Variants in PDE1C observed in about 807,000 individuals in gnomAD.
The protein encoded by PDE1C is phosphodiesterase 1C, also known as dual specificity calcium/calmodulin-dependent 3',5'-cyclic nucleotide phosphodiesterase 1C.
In PDE1C, 62 loss-of-function variants were observed where a neutral mutation model predicts 93.1. The observed-to-expected ratio is 0.67, with a 90% confidence interval of 0.54 to 0.82. PDE1C has a LOEUF of 0.82. PDE1C is among the 40% of genes least tolerant of loss of function. The pLI is 0.00. For missense variants in PDE1C, 742 were observed against 884.6 expected (o/e 0.84, Z 2.04); for synonymous variants, 325 against 310.1 (o/e 1.05, Z -0.50).
intron 3 of PDE1C, among the ~76,000 whole-genome samples, chr7:32,146,332 G>A (rs1554513554): frequency 6.6e-6 from 1 of 152,124 alleles, no homozygotes; most frequent in Non-Finnish European, 1.5e-5. Context: ...GAGGTTAGAG[G>A]TCCAAAATGG....
At chr7:31,829,397 AC>A (rs1790096689) in intron 11 of PDE1C, among the ~76,000 whole-genome samples, 1 of 152,110 alleles carries the variant, frequency 6.6e-6, no homozygotes, top group African/African-American at 2.4e-5. Flanking sequence ...GACTCGAGAA[AC>A]CTTTAGTGAA....
chr7:32,335,404 C>T (rs1783599295), intron 1 of PDE1C, among the ~76,000 whole-genome samples: 1 of 152,200 alleles, frequency 6.6e-6, no homozygotes, highest in African/African-American at 2.4e-5. Context: ...GGTCCAATAG[C>T]TCTGCATTGG....
At chr7:32,135,589 G>C (rs1483058155) in intron 3 of PDE1C, among the ~76,000 whole-genome samples, 1 of 152,120 alleles carries the variant, frequency 6.6e-6, no homozygotes, top group Non-Finnish European at 1.5e-5. Context: ...CTGTTAAGTG[G>C]CTATTATCAA....
intron 3 of PDE1C, among the ~76,000 whole-genome samples, chr7:32,119,729 G>A (rs1027165108): frequency 5.3e-5 from 8 of 152,258 alleles, no homozygotes; most frequent in African/African-American, 1.2e-4. Context: ...GGCGGTGAGT[G>A]AGCCTGCTAC....
At chr7:31,934,351 A>G (rs1467022315) in intron 2 of PDE1C, among the ~76,000 whole-genome samples, 1 of 152,194 alleles carries the variant, frequency 6.6e-6, no homozygotes, top group African/African-American at 2.4e-5. Context: ...TAAGGTTCTT[A>G]GCCTTAGTTT....
In PDE1C at chr7:32,155,021, T is replaced by C. The variant is rs1801482348; in HGVS notation, c.308+14764A>G. Among the ~76,000 whole-genome samples, 2 of 152,116 alleles carry C rather than the reference T, an allele frequency of 1.3e-5. 1 individual carries two copies. Among genetic ancestry groups the C allele is most frequent in the Admixed American group, 1.3e-4 (2 of 15,276 alleles). On this transcript the variant is annotated intron_variant, in intron 3 of 18. Coordinates refer to the PDE1C transcript ENST00000396193. ...CTGCAGTGAGAGTCCACACCAGGCA[T>C]GAGGAAATGGCAGGAAATGAGCAGG... is the stretch of plus-strand genomic sequence containing the variant.
chr7:32,165,531 G>A (rs117957083), intron 3 of PDE1C, among the ~76,000 whole-genome samples: 1 of 152,332 alleles, frequency 6.6e-6, no homozygotes, highest in Non-Finnish European at 1.5e-5. Flanking sequence ...TGAAGAGGAA[G>A]TAAGGACCTT....
chr7:31,962,717 T>C (rs573637843), intron 2 of PDE1C, among the ~76,000 whole-genome samples: 1 of 152,150 alleles, frequency 6.6e-6, no homozygotes, highest in African/African-American at 2.4e-5. Context: ...CAAAGTAGCA[T>C]GAAGGTATCA....
At chr7:31,717,013 A>G in the PDE1C span, among the ~76,000 whole-genome samples, 1 of 152,262 alleles carries the variant, frequency 6.6e-6, no homozygotes, top group Admixed American at 6.5e-5. Context: ...TATTTCATGC[A>G]AAGCATAAAA....
intron 2 of PDE1C, among the ~76,000 whole-genome samples, chr7:32,194,376 T>C (rs1804462428): frequency 6.6e-6 from 1 of 152,248 alleles, no homozygotes; most frequent in Admixed American, 6.5e-5. Context: ...GTTCAATCTA[T>C]TGTTGAGAAA....
chr7:32,135,223 T>C (rs1800137167), intron 3 of PDE1C, among the ~76,000 whole-genome samples: 1 of 152,098 alleles, frequency 6.6e-6, no homozygotes, highest in Admixed American at 6.6e-5. Context: ...CCAGAACTCC[T>C]CTCATGATGA....
the PDE1C span, among the ~76,000 whole-genome samples, chr7:31,654,091 C>A: frequency 6.3e-5 from 9 of 141,958 alleles, no homozygotes; most frequent in Non-Finnish European, 1.4e-4. Flanking sequence ...CAAATAATTA[C>A]AATCCTGAAA....
intron 3 of PDE1C, among the ~76,000 whole-genome samples, chr7:32,131,580 T>C (rs1308017145): frequency 6.6e-6 from 1 of 152,150 alleles, no homozygotes; most frequent in Non-Finnish European, 1.5e-5. Context: ...TTGGGCCTAA[T>C]CCAAACTTTG....
intron 1 of PDE1C, among the ~76,000 whole-genome samples, chr7:32,426,326 TG>T (rs1785532371): frequency 1.3e-5 from 2 of 150,070 alleles, no homozygotes; most frequent in Non-Finnish European, 3.0e-5. Flanking sequence ...CAGGCTGGAG[TG>T]CAATGGCATG....
At chr7:31,819,428 A>G (rs1788680384) in intron 14 of PDE1C, among the ~76,000 whole-genome samples, 1 of 152,188 alleles carries the variant, frequency 6.6e-6, no homozygotes, top group Admixed American at 6.5e-5. Context: ...TATTTTGTAC[A>G]TGCTCACAGC....
chr7:32,223,883 G>T (rs1807061627), intron 1 of PDE1C, among the ~76,000 whole-genome samples: 1 of 152,180 alleles, frequency 6.6e-6, no homozygotes, highest in South Asian at 2.1e-4. Context: ...ACAGGGCAGA[G>T]TCCACGCCCG....
chr7:32,038,485 C>A (rs1345961828), intron 2 of PDE1C, among the ~76,000 whole-genome samples: 1 of 152,178 alleles, frequency 6.6e-6, no homozygotes, highest in South Asian at 2.1e-4. Context: ...ATAGCATACA[C>A]GCATTGTCTC....
At chr7:31,957,706 G>A (rs1468761319) in intron 2 of PDE1C, among the ~76,000 whole-genome samples, 8 of 152,144 alleles carry the variant, frequency 5.3e-5, no homozygotes, top group Non-Finnish European at 8.8e-5. Flanking sequence ...CTCTTCCTGA[G>A]TAGCTTAGCA....
chr7:32,399,921 A>C (rs900081116), intron 1 of PDE1C, among the ~76,000 whole-genome samples: 1 of 152,118 alleles, frequency 6.6e-6, no homozygotes, highest in African/African-American at 2.4e-5. Context: ...TAAAGACCCT[A>C]TCTCCAGATA....
Sources: allele counts gnomAD v4.1 joint callset (sites outside exome capture counted in the v4.1 genomes callset), GRCh38; gene constraint gnomAD v4.1.1; transcripts MANE v1.5; gene names NCBI Gene and HGNC (gene_info 2026-07-23, HGNC 2026-07-21).